The following DPP10 variants were observed in gnomAD, a reference collection of about 807,000 sequenced individuals.
The protein encoded by DPP10 is dipeptidyl peptidase like 10.
In DPP10, 33 loss-of-function variants were observed where a neutral mutation model predicts 120.9. The ratio of observed to expected loss-of-function variants is 0.27; its 90% confidence interval spans 0.21 to 0.37. The LOEUF is 0.37. Among genes scored for constraint, DPP10 ranks in the 10% least tolerant of loss-of-function variants. The pLI, the probability that DPP10 is intolerant of heterozygous loss-of-function variation, is 1.00. For synonymous variants in DPP10, 337 were observed against 326.1 expected, an observed-to-expected ratio of 1.03 and a Z score of -0.36; for missense variants, 816 against 942.8, an observed-to-expected ratio of 0.87 and a Z score of 1.76.
chr2:115,743,385 C>T (rs547260413), intron 9 of DPP10, among the ~76,000 whole-genome samples: 33 of 152,092 alleles, frequency 2.2e-4, no homozygotes, highest in Non-Finnish European at 3.5e-4. Flanking sequence ...AAGCTTATAG[C>T]GCTGCTGACA....
At chr2:115,391,915 G>T (rs1370237676) in intron 3 of DPP10, among the ~76,000 whole-genome samples, 2 of 152,046 alleles carry the variant, frequency 1.3e-5, no homozygotes, top group African/African-American at 4.8e-5. Flanking sequence ...AGAGTCAGCT[G>T]ATATGATGAT....
chr2:114,633,282 C>T (rs1157605592), intron 1 of DPP10, among the ~76,000 whole-genome samples: 4 of 110,220 alleles, frequency 3.6e-5, no homozygotes, highest in African/African-American at 1.5e-4. Flanking sequence ...GACAGAGTCT[C>T]GCTCTATCAC....
chr2:115,043,359 C>T (rs910340937), intron 1 of DPP10, among the ~76,000 whole-genome samples: 23 of 152,140 alleles, frequency 1.5e-4, no homozygotes, highest in African/African-American at 3.6e-4. Context: ...GAACATACTA[C>T]GATCTCAAAA....
At chr2:114,557,070 T>C (rs1318549194) in intron 1 of DPP10, among the ~76,000 whole-genome samples, 1 of 151,322 alleles carries the variant, frequency 6.6e-6, no homozygotes, top group East Asian at 1.9e-4. Flanking sequence ...GGATCTCTAG[T>C]TGGAGTCAAG....
intron 1 of DPP10, among the ~76,000 whole-genome samples, chr2:114,701,676 C>T (rs371424370): frequency 6.6e-5 from 10 of 152,132 alleles, no homozygotes; most frequent in East Asian, 5.8e-4. Context: ...ACCTTTCAAT[C>T]GAAACCCAGG....
chr2:114,541,533 A>G (rs182620033), intron 1 of DPP10, among the ~76,000 whole-genome samples: 61 of 152,286 alleles, frequency 4.0e-4, no homozygotes, highest in African/African-American at 1.5e-3. Flanking sequence ...CAGATCTTAT[A>G]CTCTAGCTTT....
In DPP10 at chr2:115,842,288, T is replaced by C; in HGVS notation, c.2334T>C (p.Ser778=). The change falls in exon 26 of 26, where the codon AGT becomes AGC. Residue 778 remains serine, a synonymous_variant. Coordinates refer to ENST00000410059, the MANE Select transcript of DPP10 (RefSeq NM_020868.6). ...ACAGCACAATCCTCAAATTCTTCAG[T>C]GATTGTTTGAAGGAAGAAATATCTG... The part of the protein sequence containing the change: ...HLYSTILKFF[S]DCLKEEISVL... 6.2e-7 allele frequency: 1 copy of C among 1,613,896 alleles called. No individual in the cohort carries two copies. Among genetic ancestry groups the C allele is most frequent in the Non-Finnish European group, 8.5e-7 (1 of 1,179,876 alleles).
intron 1 of DPP10, among the ~76,000 whole-genome samples, chr2:114,726,703 G>A (rs1206548179): frequency 6.6e-6 from 1 of 152,144 alleles, no homozygotes. Flanking sequence ...AAATCATTGG[G>A]CATGTCAATA....
intron 1 of DPP10, among the ~76,000 whole-genome samples, chr2:115,190,530 T>A (rs2054801536): frequency 6.6e-6 from 1 of 152,188 alleles, no homozygotes; most frequent in South Asian, 2.1e-4. Flanking sequence ...TTGGTTTCAC[T>A]GCACCCTGTT....
intron 1 of DPP10, among the ~76,000 whole-genome samples, chr2:114,613,001 C>T (rs1242142992): frequency 6.6e-6 from 1 of 151,982 alleles, no homozygotes; most frequent in African/African-American, 2.4e-5. Flanking sequence ...GCATTCACAC[C>T]CAAATATCTA....
chr2:114,731,865 A>G (rs890775977), intron 1 of DPP10, among the ~76,000 whole-genome samples: 3 of 152,186 alleles, frequency 2.0e-5, no homozygotes, highest in Non-Finnish European at 4.4e-5. Context: ...ACATGCATTC[A>G]TGTTATAACT....
At chr2:114,468,131 C>A (rs1332002783) in intron 1 of DPP10, among the ~76,000 whole-genome samples, 2 of 152,030 alleles carry the variant, frequency 1.3e-5, no homozygotes, top group Non-Finnish European at 2.9e-5. Flanking sequence ...CTGATCATTA[C>A]AATACTCCGT....
chr2:115,582,684 TTCA>T (rs1265084976), intron 5 of DPP10, among the ~76,000 whole-genome samples: 1 of 152,210 alleles, frequency 6.6e-6, no homozygotes, highest in Admixed American at 6.5e-5. Context: ...AGTTTTTAAC[TTCA>T]TCACATCTCT....
chr2:115,621,208 G>T (rs573422218), intron 5 of DPP10, among the ~76,000 whole-genome samples: 56 of 152,132 alleles, frequency 3.7e-4, no homozygotes, highest in Non-Finnish European at 7.1e-4. Context: ...AATCATTTTT[G>T]GATACTATTG....
At chr2:114,758,893 C>A (rs1319688935) in intron 1 of DPP10, among the ~76,000 whole-genome samples, 1 of 152,114 alleles carries the variant, frequency 6.6e-6, no homozygotes, top group Non-Finnish European at 1.5e-5. Context: ...TTCAAAGCAA[C>A]CCCCTATGCC....
At chr2:114,444,703 C>T (rs1285078185) in intron 1 of DPP10, among the ~76,000 whole-genome samples, 1 of 152,128 alleles carries the variant, frequency 6.6e-6, no homozygotes, top group Non-Finnish European at 1.5e-5. Flanking sequence ...GACAACCCAC[C>T]ACTTAACAAT....
At chr2:115,199,130 A>G (rs190841189) in intron 1 of DPP10, among the ~76,000 whole-genome samples, 43 of 152,288 alleles carry the variant, frequency 2.8e-4, no homozygotes, top group African/African-American at 9.9e-4. Flanking sequence ...TTATATCATT[A>G]ACAAATGTTA....
chr2:114,494,414 T>A (rs902916859), intron 1 of DPP10, among the ~76,000 whole-genome samples: 1 of 152,112 alleles, frequency 6.6e-6, no homozygotes, highest in Admixed American at 6.6e-5. Flanking sequence ...TTGAGCTGGA[T>A]ATTAAAGAGA....
chr2:114,463,414 G>A (rs1679093526), intron 1 of DPP10: 3 of 152,088 alleles, frequency 2.0e-5, no homozygotes, highest in African/African-American at 7.2e-5. Flanking sequence ...CATGAAGAGT[G>A]GCTTCAGGAC....
Sources: allele counts gnomAD v4.1 joint callset (sites outside exome capture counted in the v4.1 genomes callset), GRCh38; gene constraint gnomAD v4.1.1; transcripts MANE v1.5; gene names NCBI Gene and HGNC (gene_info 2026-07-23, HGNC 2026-07-21).